The following ELMO1 variants were observed in gnomAD, a reference collection of about 807,000 sequenced individuals.
The protein encoded by ELMO1 is engulfment and cell motility 1, also known as engulfment and cell motility protein 1.
Under a neutral mutation model 98.9 loss-of-function variants are expected in ELMO1, and 26 were observed. The ratio of observed to expected loss-of-function variants is 0.26; its 90% CI spans 0.19 to 0.36. The LOEUF (loss-of-function observed/expected upper bound fraction) is 0.36. Among genes scored for constraint, ELMO1 ranks in the 10% least tolerant of loss-of-function variants. ELMO1 has a pLI of 1.00. For missense variants in ELMO1, 627 were observed against 935.2 expected (o/e 0.67, Z 4.30); for synonymous variants, 346 against 346.0 (o/e 1.00, Z 0.00).
At chr7:37,053,681 G>A (rs1011672219) in intron 15 of ELMO1, among the ~76,000 whole-genome samples, 4 of 152,074 alleles carry the variant, frequency 2.6e-5, no homozygotes, top group African/African-American at 7.2e-5. Context: ...GAGTGTAGCC[G>A]GATACTGCAC....
chr7:37,413,798 C>T (rs184017340), intron 1 of ELMO1, among the ~76,000 whole-genome samples: 45 of 152,218 alleles, frequency 3.0e-4, no homozygotes, highest in African/African-American at 9.2e-4. Flanking sequence ...GTGCCTCCGC[C>T]GCCCAAATAG....
At chr7:37,031,034 T>A (rs1794850773) in intron 15 of ELMO1, among the ~76,000 whole-genome samples, 1 of 152,164 alleles carries the variant, frequency 6.6e-6, no homozygotes, top group African/African-American at 2.4e-5. Flanking sequence ...TTGACTCTTC[T>A]CTCAATCACC....
At chr7:37,099,590 C>T (rs914609004) in intron 14 of ELMO1, among the ~76,000 whole-genome samples, 2 of 152,002 alleles carry the variant, frequency 1.3e-5, no homozygotes, top group Non-Finnish European at 2.9e-5. Context: ...ATATCAAACA[C>T]CAAAATAAAC....
intron 16 of ELMO1, among the ~76,000 whole-genome samples, chr7:37,000,542 C>T (rs1792588150): frequency 1.3e-5 from 2 of 152,146 alleles, no homozygotes; most frequent in Non-Finnish European, 1.5e-5. Flanking sequence ...TTTTTCCCCC[C>T]AATTTAAGAT....
chr7:37,202,621 A>G (rs1363310072), intron 13 of ELMO1, among the ~76,000 whole-genome samples: 1 of 152,212 alleles, frequency 6.6e-6, no homozygotes, highest in East Asian at 1.9e-4. Flanking sequence ...ATGAATTGAA[A>G]CACAGTAAGT....
intron 11 of ELMO1, among the ~76,000 whole-genome samples, chr7:37,214,540 T>C (rs1438767587): frequency 2.0e-5 from 3 of 151,936 alleles, no homozygotes; most frequent in Non-Finnish European, 4.4e-5. Context: ...ACCATAGCTG[T>C]CAGTGCCATG....
intron 16 of ELMO1, among the ~76,000 whole-genome samples, chr7:36,975,947 C>T (rs1019733300): frequency 1.1e-4 from 16 of 151,612 alleles, no homozygotes; most frequent in African/African-American, 3.2e-4. Flanking sequence ...CAAAAATACA[C>T]GAATAATCTC....
In ELMO1 at chr7:37,313,469, C is replaced by T. The variant is rs531845714; in HGVS notation, c.192+1381G>A. 4.7e-4 allele frequency among the ~76,000 whole-genome samples: 71 copies of T among 152,302 alleles called. No homozygotes were observed. In the South Asian group the frequency reaches 0.012, roughly 25 times the overall value. ...CGAACTCCTGACCTCAAGTGATCTG[C>T]CGCCCTTGGCCTCCCAAAGTGCTGG... On this transcript the variant is annotated intron_variant, in intron 4 of 21. Transcript: ENST00000310758.
At chr7:37,000,351 C>T (rs1792563295) in intron 16 of ELMO1, among the ~76,000 whole-genome samples, 1 of 152,108 alleles carries the variant, frequency 6.6e-6, no homozygotes, top group African/African-American at 2.4e-5. Flanking sequence ...GCTCAAGCGG[C>T]AAAAAGCCAT....
chr7:37,150,966 G>A (rs1193018963), intron 13 of ELMO1, among the ~76,000 whole-genome samples: 4 of 152,186 alleles, frequency 2.6e-5, no homozygotes, highest in African/African-American at 7.2e-5. Flanking sequence ...TCGCTGAAGC[G>A]CCTCCCTGCA....
At chr7:36,974,972 ACT>A (rs1444858295) in intron 16 of ELMO1, among the ~76,000 whole-genome samples, 1 of 151,826 alleles carries the variant, frequency 6.6e-6, no homozygotes, top group Non-Finnish European at 1.5e-5. Context: ...GAAGGAAGAA[ACT>A]CTGAACACAT....
intron 5 of ELMO1, among the ~76,000 whole-genome samples, chr7:37,263,154 TA>T (rs1487521206): frequency 6.6e-6 from 1 of 151,972 alleles, no homozygotes; most frequent in Non-Finnish European, 1.5e-5. Flanking sequence ...ATTTATTATA[TA>T]AAAAAAGTGG....
chr7:36,972,185 T>C (rs1029888563), intron 16 of ELMO1, among the ~76,000 whole-genome samples: 1 of 152,178 alleles, frequency 6.6e-6, no homozygotes, highest in Non-Finnish European at 1.5e-5. Context: ...AGAGACACCA[T>C]TAGGGCCAGA....
At chr7:37,395,657 G>C (rs890606718) in intron 1 of ELMO1, among the ~76,000 whole-genome samples, 2 of 151,592 alleles carry the variant, frequency 1.3e-5, no homozygotes, top group East Asian at 3.8e-4. Context: ...GAAAACCCAG[G>C]GTTTGGTTAG....
intron 20 of ELMO1, among the ~76,000 whole-genome samples, chr7:36,865,649 A>G (rs150722245): frequency 6.6e-6 from 1 of 152,274 alleles, no homozygotes; most frequent in Non-Finnish European, 1.5e-5. Context: ...TGCCTGGCCA[A>G]TTCCTTTTCA....
intron 15 of ELMO1, among the ~76,000 whole-genome samples, chr7:37,074,707 G>A (rs1435029445): frequency 6.6e-6 from 1 of 152,132 alleles, no homozygotes; most frequent in Non-Finnish European, 1.5e-5. Context: ...TATGAATGTG[G>A]GGTTAATATT....
intron 1 of ELMO1, among the ~76,000 whole-genome samples, chr7:37,423,208 T>C (rs1285152990): frequency 6.6e-6 from 1 of 152,224 alleles, no homozygotes; most frequent in Non-Finnish European, 1.5e-5. Flanking sequence ...ATTCATCTTA[T>C]AACCTGCAGT....
At chr7:37,021,127 A>T (rs149688818) in intron 15 of ELMO1, among the ~76,000 whole-genome samples, 1 of 152,268 alleles carries the variant, frequency 6.6e-6, no homozygotes, top group East Asian at 1.9e-4. Context: ...CTGCGTGGGG[A>T]GATGCTAAAA....
At chr7:37,138,071 T>C (rs982593475) in intron 13 of ELMO1, among the ~76,000 whole-genome samples, 10 of 152,278 alleles carry the variant, frequency 6.6e-5, no homozygotes, top group East Asian at 5.8e-4. Context: ...CTCTGGGATA[T>C]AGCAATGGTT....
Sources: allele counts gnomAD v4.1 joint callset (sites outside exome capture counted in the v4.1 genomes callset), GRCh38; gene constraint gnomAD v4.1.1; transcripts MANE v1.5; gene names NCBI Gene and HGNC (gene_info 2026-07-23, HGNC 2026-07-21).